Variants in FAM120B observed in about 807,000 individuals in gnomAD.
FAM120B encodes constitutive coactivator of peroxisome proliferator-activated receptor gamma.
Under a neutral mutation model 96.3 loss-of-function variants are expected in FAM120B, and 83 were observed. That is an observed-to-expected ratio of 0.86 (90% confidence interval 0.72 to 1.03). The LOEUF (loss-of-function observed/expected upper bound fraction) is 1.03. Among genes scored for constraint, FAM120B ranks in the 50% least tolerant of loss-of-function variants. The pLI, the probability that FAM120B is intolerant of heterozygous loss-of-function variation, is 0.00. For missense variants in FAM120B, 1,027 were observed against 1,121.2 expected, an observed-to-expected ratio of 0.92 and a Z score of 1.20; for synonymous variants, 407 against 402.7, an observed-to-expected ratio of 1.01 and a Z score of -0.13.
At chr6:170,321,605 C>T (rs761465746) in intron 2 of FAM120B, among the ~76,000 whole-genome samples, 74 of 152,276 alleles carry the variant, frequency 4.9e-4, no homozygotes, top group Non-Finnish European at 7.5e-4. Context: ...CCTTGAACTC[C>T]TGACCTCAAG....
intron 6 of FAM120B, among the ~76,000 whole-genome samples, chr6:170,369,383 C>T (rs1789029262): frequency 6.6e-6 from 1 of 152,206 alleles, no homozygotes; most frequent in African/African-American, 2.4e-5. Flanking sequence ...AGCAGGGCCC[C>T]ACTTTCACTG....
At chr6:170,374,746 G>C (rs1789408539) in intron 6 of FAM120B, among the ~76,000 whole-genome samples, 1 of 152,194 alleles carries the variant, frequency 6.6e-6, no homozygotes, top group South Asian at 2.1e-4. Flanking sequence ...TCGGGTGTCT[G>C]ACCCAGGATG....
At chr6:170,328,054 A>AT (rs2115056132) in intron 3 of FAM120B, among the ~76,000 whole-genome samples, 1 of 150,986 alleles carries the variant, frequency 6.6e-6, no homozygotes, top group Non-Finnish European at 1.5e-5. Flanking sequence ...TTCCTCAACA[A>AT]TAAATTAACC....
At chr6:170,308,476 A>G (rs1047333557) in intron 1 of FAM120B, among the ~76,000 whole-genome samples, 4 of 151,978 alleles carry the variant, frequency 2.6e-5, no homozygotes, top group Admixed American at 1.3e-4. Flanking sequence ...CATCTGGGGT[A>G]ACGTAGTTTT....
In FAM120B at chr6:170,391,070, AAGG is replaced by A. The variant is rs1342721428; in HGVS notation, c.2551_2553del (p.Glu851del). The A allele has an allele frequency of 3.1e-6, 5 of 1,614,208 alleles. No homozygotes were observed. Among genetic ancestry groups the A allele is most frequent in the Non-Finnish European group, 4.2e-6 (5 of 1,180,032 alleles). ...GGCAGTCGTCTGCAAGGCCTGCATG[AAGG>A]AGAACAGACGCATCACTGGCCGAGC... On this transcript the variant is annotated inframe_deletion, in exon 8 of 11. Transcript: ENST00000476287.
intron 6 of FAM120B, among the ~76,000 whole-genome samples, chr6:170,367,498 A>G (rs1292319239): frequency 2.0e-5 from 3 of 152,258 alleles, no homozygotes; most frequent in African/African-American, 7.2e-5. Flanking sequence ...GAGACATCAT[A>G]TGGCCCACAA....
At chr6:170,398,323 G>A (rs955644072) in intron 9 of FAM120B, among the ~76,000 whole-genome samples, 19 of 152,374 alleles carry the variant, frequency 1.2e-4, no homozygotes, top group African/African-American at 4.6e-4. Context: ...AATAAGGAAG[G>A]TAGAACTATG....
At chr6:170,338,844 C>CTTTTTTTTTTTTTTT (rs61188907) in intron 4 of FAM120B, among the ~76,000 whole-genome samples, 4 of 85,424 alleles carry the variant, frequency 4.7e-5, no homozygotes, top group East Asian at 4.4e-4. Context: ...TTGCAACCTG[C>CTTTTTTTTTTTTTTT]TTTTTTTTTT....
At chr6:170,375,419 T>G (rs1261976543) in intron 6 of FAM120B, among the ~76,000 whole-genome samples, 2 of 152,212 alleles carry the variant, frequency 1.3e-5, no homozygotes, top group African/African-American at 4.8e-5. Context: ...GGTTTGCTTT[T>G]GCCTACAAAG....
chr6:170,293,455 C>T (rs922144691), upstream of FAM120B, among the ~76,000 whole-genome samples: 3 of 152,158 alleles, frequency 2.0e-5, no homozygotes, highest in Admixed American at 6.5e-5. Context: ...AACAAACCCC[C>T]CTCAGTATCA....
At chr6:170,345,130 G>A (rs1323059214) in intron 4 of FAM120B, among the ~76,000 whole-genome samples, 1 of 152,186 alleles carries the variant, frequency 6.6e-6, no homozygotes, top group Non-Finnish European at 1.5e-5. Flanking sequence ...CTTGGGTAGA[G>A]GTCAGGAAGG....
chr6:170,357,432 G>A (rs115991391), intron 5 of FAM120B, among the ~76,000 whole-genome samples: 2,159 of 152,242 alleles, frequency 0.014, 52 homozygotes, highest in African/African-American at 0.05. Context: ...ACCAAGCAGT[G>A]TTCAGTCTGT....
At chr6:170,305,273 C>G (rs746679700), upstream of FAM120B, among the ~76,000 whole-genome samples, 10 of 152,202 alleles carry the variant, frequency 6.6e-5, no homozygotes, top group Non-Finnish European at 1.2e-4. Context: ...CCACGATGAG[C>G]ACTCCTTAAG....
chr6:170,368,475 A>T (rs1339489678), intron 6 of FAM120B, among the ~76,000 whole-genome samples: 1 of 152,202 alleles, frequency 6.6e-6, no homozygotes, highest in Non-Finnish European at 1.5e-5. Flanking sequence ...ACATAATGAG[A>T]TCAAGCCGTT....
chr6:170,368,821 G>GGGC (rs1554287939), intron 6 of FAM120B, among the ~76,000 whole-genome samples: 2 of 20,302 alleles, frequency 9.9e-5, no homozygotes, highest in African/African-American at 2.0e-4. Flanking sequence ...TGCCGGGGCT[G>GGGC]GGGGGGGGGC....
At chr6:170,321,644 G>C (rs998365503) in intron 2 of FAM120B, among the ~76,000 whole-genome samples, 2 of 152,096 alleles carry the variant, frequency 1.3e-5, no homozygotes, top group African/African-American at 4.8e-5. Flanking sequence ...CAAAGTGCTG[G>C]GATTACAGGC....
chr6:170,312,185 A>G (rs903547852), intron 1 of FAM120B, among the ~76,000 whole-genome samples: 2 of 152,238 alleles, frequency 1.3e-5, no homozygotes, highest in African/African-American at 4.8e-5. Context: ...AGGCTGAAAT[A>G]TGTAAAATGT....
chr6:170,311,293 C>T (rs1784575184), intron 1 of FAM120B, among the ~76,000 whole-genome samples: 2 of 152,242 alleles, frequency 1.3e-5, no homozygotes, highest in South Asian at 4.1e-4. Context: ...TTTCATTCAT[C>T]TGGCCCCAAC....
chr6:170,306,258 A>ACGTGGCGGGGAAGCG (rs1449712370), upstream of FAM120B, among the ~76,000 whole-genome samples: 3 of 151,978 alleles, frequency 2.0e-5, no homozygotes, highest in East Asian at 3.9e-4. Context: ...CCCTCCCCAA[A>ACGTGGCGGGGAAGCG]CGTGGCGGGG....
Sources: allele counts gnomAD v4.1 joint callset (sites outside exome capture counted in the v4.1 genomes callset), GRCh38; gene constraint gnomAD v4.1.1; transcripts MANE v1.5; gene names NCBI Gene and HGNC (gene_info 2026-07-23, HGNC 2026-07-21).